The following CNDP2 variants were observed in gnomAD, a reference collection of about 807,000 sequenced individuals.
CNDP2 encodes the protein cytosolic non-specific dipeptidase.
CNDP2 carries 38 observed loss-of-function variants against 55.0 expected under a neutral mutation model. The observed-to-expected ratio is 0.69, with a 90% CI of 0.53 to 0.90. The LOEUF is 0.90. CNDP2 is among the 40% of genes least tolerant of loss of function. The pLI, the probability that CNDP2 is intolerant of heterozygous loss-of-function variation, is 0.00. For synonymous variants in CNDP2, 241 were observed against 260.2 expected, an observed-to-expected ratio of 0.93 and a Z score of 0.71; for missense variants, 607 against 621.7, an observed-to-expected ratio of 0.98 and a Z score of 0.25.
intron 8 of CNDP2, among the ~76,000 whole-genome samples, chr18:74,514,300 G>A (rs1979522961): frequency 6.6e-6 from 1 of 151,680 alleles, no homozygotes; most frequent in Non-Finnish European, 1.5e-5. Flanking sequence ...TGGTATGGAT[G>A]TAAGTTCCGC....
intron 3 of CNDP2, among the ~76,000 whole-genome samples, chr18:74,503,359 T>C (rs1304330575): frequency 6.6e-6 from 1 of 152,210 alleles, no homozygotes; most frequent in Non-Finnish European, 1.5e-5. Flanking sequence ...CGCATGTCCA[T>C]GTGGCAGTGG....
chr18:74,504,729 A>G (rs540678297), intron 3 of CNDP2: 7 of 152,366 alleles, frequency 4.6e-5, no homozygotes, highest in African/African-American at 1.7e-4. Context: ...ATGTTTTAGT[A>G]TGAACAGTCT....
In CNDP2 at chr18:74,516,301, C is replaced by A; in HGVS notation, c.977C>A (p.Ser326Tyr). ...GGCATCGAAGGCGCCTTCTCTGGGT[C>A]TGGGGCCAAGACCGTGATTCCCAGG... is the stretch of plus-strand genomic sequence containing the variant. ...LHGIEGAFSGSGAKTVIPRKV... is the reference protein window; with the variant it reads ...LHGIEGAFSGYGAKTVIPRKV... The change falls in exon 9 of 12, where the codon TCT becomes TAT. Residue 326 changes from serine (S) to tyrosine (Y), a missense_variant. Ser to Tyr is a moderately radical substitution (Grantham distance 144). Coordinates refer to ENST00000324262, the MANE Select transcript of CNDP2 (RefSeq NM_018235.3). 3.1e-6 allele frequency: 5 copies of A among 1,614,166 alleles called. No individual in the cohort carries two copies. The highest frequency in any genetic ancestry group is 4.2e-6 in the Non-Finnish European group (5 of 1,180,008).
rs769756785 is a variant in CNDP2, at chr18:74,501,458, A to G, written c.190A>G (p.Ile64Val). Residue 64 changes from isoleucine (I) to valine (V), a missense_variant, in exon 3 of 12, where the codon ATC (isoleucine) becomes GTC (valine). By Grantham distance (29) the Ile-to-Val change is conservative (BLOSUM62 3). Coordinates refer to ENST00000324262, the MANE Select transcript of CNDP2 (RefSeq NM_018235.3). ...QLGGSVELVD[I>V]GKQKLPDGSE... The stretch of plus-strand genomic sequence containing the variant: ...GGGGGGCTCTGTGGAACTGGTGGAT[A>G]TCGGAAAACAAAAGGTAGGAGGCAA... 6 of 1,613,524 alleles carry G rather than the reference A, an allele frequency of 3.7e-6. No individual in the cohort carries two copies. Among genetic ancestry groups the G allele is most frequent in the Middle Eastern group, 1.6e-4 (1 of 6,082 alleles).
chr18:74,520,341 AAAGCAC>A lies in CNDP2; in HGVS notation c.*277_*282del. The A allele has an allele frequency of 2.4e-6, 1 of 423,350 alleles. No individual in the cohort carries two copies. Among genetic ancestry groups the A allele is most frequent in the Non-Finnish European group, 4.4e-6 (1 of 229,392 alleles). 26.2% of individuals were successfully genotyped at this position (423,350 alleles called of 1,614,324 possible). A position where few individuals can be genotyped will look rare whatever the true frequency, so the allele number is the denominator to read the frequency against. ...ACCTGCAGAAGATACCCAAGGTCCAAAAGCACAAGGTCTGCGGAAAGTTCTGGTTGT... is the reference window on the plus strand; with the variant it reads ...ACCTGCAGAAGATACCCAAGGTCCAAAAGGTCTGCGGAAAGTTCTGGTTGT... On this transcript the variant is annotated 3_prime_UTR_variant, in exon 12 of 12. Transcript: ENST00000324262.
intron 2 of CNDP2, among the ~76,000 whole-genome samples, chr18:74,500,263 A>AG (rs1978618361): frequency 6.6e-6 from 1 of 152,256 alleles, no homozygotes; most frequent in African/African-American, 2.4e-5. Context: ...TTTTTGTTTC[A>AG]TCTCCATCAA....
chr18:74,508,159 C>T (rs1281348144), intron 4 of CNDP2: 1 of 152,264 alleles, frequency 6.6e-6, no homozygotes, highest in African/African-American at 2.4e-5. Flanking sequence ...TCCTCTGGTT[C>T]CATGAGGCCG....
At chr18:74,501,288 C>A in intron 2 of CNDP2, 41 bp from the exon 3 acceptor site, 2 of 1,595,034 alleles carry the variant, frequency 1.3e-6, no homozygotes, top group Non-Finnish European at 1.7e-6. Flanking sequence ...CCCTCAAGGA[C>A]ACCTTTTCAG....
In CNDP2 at chr18:74,513,554, C is replaced by G. The variant is rs373205511; in HGVS notation, c.743-5C>G. The G allele has an allele frequency of 5.3e-5, 86 of 1,610,760 alleles. No individual in the cohort carries two copies. In the African/African-American group the frequency reaches 1.0e-3, roughly 19 times the overall value. ...AGTGCTGTAACCCTCTCCGGCTTCC[C>G]TCAGGCTCTTTGGTGGACAAGAGGG... On this transcript the variant is annotated splice_region_variant and splice_polypyrimidine_tract_variant and intron_variant, in intron 7 of 11. Coordinates refer to ENST00000324262, the MANE Select transcript of CNDP2 (RefSeq NM_018235.3).
At chr18:74,497,669 C>T (rs1354101925) in intron 1 of CNDP2, 2 of 152,206 alleles carry the variant, frequency 1.3e-5, no homozygotes, top group Admixed American at 6.5e-5. Flanking sequence ...CCTGCAGTCC[C>T]AGCTACTTGG....
In CNDP2 at chr18:74,513,759, C is replaced by T. The variant is rs750127245; in HGVS notation, c.903+40C>T. 1.6e-5 allele frequency: 26 copies of T among 1,595,230 alleles called. 1 individual carries two copies. Among genetic ancestry groups the T allele is most frequent in the Admixed American group, 1.5e-4 (9 of 58,844 alleles). ...TCGACTCTGCCACCTGCCCAGGCCA[C>T]GCTGTGACACAGGTGTCCCCCAGGC... On this transcript the variant is annotated intron_variant, in intron 8 of 11. Transcript: ENST00000324262.
chr18:74,514,372 A>G (rs1167992950), intron 8 of CNDP2, among the ~76,000 whole-genome samples: 1 of 152,022 alleles, frequency 6.6e-6, no homozygotes, highest in Non-Finnish European at 1.5e-5. Context: ...TGCGGTACAG[A>G]TGTAAGTTCT....
At chr18:74,510,061 C>T (rs1273473299) in intron 5 of CNDP2, among the ~76,000 whole-genome samples, 1 of 152,204 alleles carries the variant, frequency 6.6e-6, no homozygotes, top group African/African-American at 2.4e-5. Flanking sequence ...GCAGTGGAGG[C>T]ACCTCGGGCT....
chr18:74,517,808 C>T (rs1284415515), intron 9 of CNDP2: 3 of 151,998 alleles, frequency 2.0e-5, no homozygotes, highest in Non-Finnish European at 4.4e-5. Context: ...TATATGAATT[C>T]TGGGGGCACG....
At position 74,512,885 on chromosome 18, in the gene CNDP2, T is replaced by C. The variant is rs373656453; in HGVS notation, c.742+353T>C. Among the ~76,000 whole-genome samples, 10 of 152,304 alleles carry C rather than the reference T, an allele frequency of 6.6e-5. No individual in the cohort carries two copies. In the East Asian group the frequency reaches 1.2e-3, roughly 18 times the overall value. On this transcript the variant is annotated intron_variant, in intron 7 of 11. Coordinates refer to ENST00000324262, the MANE Select transcript of CNDP2 (RefSeq NM_018235.3). ...TTCCATCTCTCTCAGGGCGTGTGTTTTGGCCTGTCTTATGTATAACTGGCC... is the reference window on the plus strand; with the variant it reads ...TTCCATCTCTCTCAGGGCGTGTGTTCTGGCCTGTCTTATGTATAACTGGCC...
chr18:74,515,961 C>T (rs1979638241), intron 8 of CNDP2, among the ~76,000 whole-genome samples: 1 of 152,230 alleles, frequency 6.6e-6, no homozygotes, highest in Non-Finnish European at 1.5e-5. Context: ...CTAGTTCTGC[C>T]AGGTGGACCT....
chr18:74,515,397 G>A (rs189107900), intron 8 of CNDP2, among the ~76,000 whole-genome samples: 1 of 152,304 alleles, frequency 6.6e-6, no homozygotes, highest in Admixed American at 6.5e-5. Context: ...GTTGGGCACG[G>A]GGAGGAGCGG....
rs1313986004 is a variant in CNDP2 at position 74,521,071 on chromosome 18, T to G, written c.*1003T>G. The G allele has an allele frequency of 6.6e-6, 1 of 152,234 alleles. No individual in the cohort carries two copies. Among genetic ancestry groups the G allele is most frequent in the Non-Finnish European group, 1.5e-5 (1 of 68,044 alleles). The allele number at this position is 152,234 out of a possible 1,614,324, so 9.4% of individuals were successfully genotyped here. ...CTCAAAACCTCACTAACTGGAAGGATGATTTTGTCTCAGTTTGTACTCCTA... is the reference window on the plus strand; with the variant it reads ...CTCAAAACCTCACTAACTGGAAGGAGGATTTTGTCTCAGTTTGTACTCCTA... On this transcript the variant is annotated 3_prime_UTR_variant, in exon 12 of 12. Coordinates refer to ENST00000324262, the MANE Select transcript of CNDP2 (RefSeq NM_018235.3).
intron 5 of CNDP2, among the ~76,000 whole-genome samples, chr18:74,510,486 C>T (rs1979281375): frequency 6.6e-6 from 1 of 152,186 alleles, no homozygotes; most frequent in African/African-American, 2.4e-5. Flanking sequence ...GTGTCGGTGG[C>T]TCCGCTGGTA....
Sources: allele counts gnomAD v4.1 joint callset (sites outside exome capture counted in the v4.1 genomes callset), GRCh38; gene constraint gnomAD v4.1.1; transcripts MANE v1.5; gene names NCBI Gene and HGNC (gene_info 2026-07-23, HGNC 2026-07-21).